Variants in PCCA observed in about 807,000 individuals in gnomAD.
The protein encoded by PCCA is propionyl-CoA carboxylase subunit alpha.
A neutral mutation model predicts 101.3 loss-of-function variants in PCCA; 74 were observed. The ratio of observed to expected loss-of-function variants is 0.73; its 90% confidence interval spans 0.61 to 0.89. The LOEUF is 0.89. Ranked by LOEUF, PCCA falls within the 40% of genes least tolerant of loss-of-function variation. The probability of loss-of-function intolerance (pLI) is 0.00; values close to 1 mark genes in which losing one functional copy is unlikely to be tolerated. For missense variants in PCCA, 891 were observed against 907.0 expected (o/e 0.98, Z 0.23); for synonymous variants, 294 against 313.6 (o/e 0.94, Z 0.66).
chr13:100,186,305 G>A (rs2057261471), intron 6 of PCCA, among the ~76,000 whole-genome samples: 1 of 152,170 alleles, frequency 6.6e-6, no homozygotes, highest in African/African-American at 2.4e-5. Context: ...AATATATTTA[G>A]TTTAATACAC....
chr13:100,106,793 C>T (rs1188539854), intron 2 of PCCA, among the ~76,000 whole-genome samples: 2 of 152,136 alleles, frequency 1.3e-5, no homozygotes, highest in East Asian at 1.9e-4. Context: ...TAGCATGTTT[C>T]GTCATAAATC....
chr13:100,134,494 C>T (rs9300589), intron 4 of PCCA, among the ~76,000 whole-genome samples: 26,638 of 152,114 alleles, frequency 0.18, 3,304 homozygotes, highest in African/African-American at 0.35. Flanking sequence ...TTGACATTTT[C>T]CACTGTGTTG....
chr13:100,194,703 G>A (rs1285518245), intron 6 of PCCA, among the ~76,000 whole-genome samples: 1 of 152,204 alleles, frequency 6.6e-6, no homozygotes, highest in Non-Finnish European at 1.5e-5. Flanking sequence ...ACAGGCGTGA[G>A]CCACTGCGCC....
chr13:100,327,130 C>T (rs557019472), intron 16 of PCCA, among the ~76,000 whole-genome samples: 12 of 152,174 alleles, frequency 7.9e-5, no homozygotes, highest in African/African-American at 2.9e-4. Context: ...TGAGTTTTGA[C>T]ATACGTATAC....
Position 100,426,041 on chromosome 13 carries a change from G to T in PCCA, c.1845+310G>T, listed in dbSNP as rs373894946. ...TTTTTTTTTCCTCTGTGGGTTTTTA[G>T]TTGTAAAATACAACTTACTTTGTTA... On this transcript the variant is annotated intron_variant, in intron 20 of 23. Coordinates refer to ENST00000376285, the MANE Select transcript of PCCA (RefSeq NM_000282.4). Among the ~76,000 whole-genome samples the T allele has an allele frequency of 1.7e-3, 256 of 151,144 alleles. 1 individual carries two copies. Among genetic ancestry groups the T allele is most frequent in the African/African-American group, 5.9e-3 (241 of 41,176 alleles).
At chr13:100,283,703 G>A (rs1453495204) in intron 12 of PCCA, among the ~76,000 whole-genome samples, 3 of 152,318 alleles carry the variant, frequency 2.0e-5, no homozygotes, top group Non-Finnish European at 4.4e-5. Flanking sequence ...AAGGAAAAGC[G>A]AGATCAGAGA....
intron 21 of PCCA, among the ~76,000 whole-genome samples, chr13:100,511,808 C>T (rs1026617984): frequency 2.0e-5 from 3 of 152,184 alleles, no homozygotes; most frequent in African/African-American, 4.8e-5. Context: ...CGCATGGGGT[C>T]TGCAGAATTA....
At chr13:100,118,974 CT>C (rs998880638) in intron 4 of PCCA, among the ~76,000 whole-genome samples, 5 of 151,302 alleles carry the variant, frequency 3.3e-5, no homozygotes, top group East Asian at 1.9e-4. Flanking sequence ...GGTACATTTT[CT>C]TTTTTTTTAT....
chr13:100,307,322 TCTGAAA>T, intron 15 of PCCA, 62 bp downstream of exon 15: 1 of 1,100,668 alleles, frequency 9.1e-7, no homozygotes, highest in Non-Finnish European at 1.4e-6. Context: ...ATTTAAAGAG[TCTGAAA>T]CTGGGCCTTT....
intron 20 of PCCA, among the ~76,000 whole-genome samples, chr13:100,434,719 G>A (rs935092770): frequency 7.2e-5 from 11 of 152,114 alleles, no homozygotes; most frequent in African/African-American, 2.7e-4. Context: ...TCCACGTCTG[G>A]CCACAGGAAA....
chr13:100,504,606 A>G lies in PCCA; in HGVS notation c.1900-10821A>G, dbSNP rs139735726. 8.5e-3 allele frequency among the ~76,000 whole-genome samples: 1,297 copies of G among 152,262 alleles called. 22 individuals are homozygous for G. The highest frequency in any genetic ancestry group is 0.03 in the African/African-American group (1,260 of 41,532). On this transcript the variant is annotated intron_variant, in intron 21 of 23. Coordinates refer to ENST00000376285, the MANE Select transcript of PCCA (RefSeq NM_000282.4). ...TGGTAATGATGGCTATTAAATACTT[A>G]ATGACATTTCTGTGTTCTGAGGCTT...
chr13:100,108,713 G>A (rs1472312181), intron 2 of PCCA, among the ~76,000 whole-genome samples: 3 of 152,164 alleles, frequency 2.0e-5, no homozygotes, highest in Admixed American at 6.5e-5. Context: ...ATATTTACCT[G>A]TAATTGTTGA....
chr13:100,382,764 G>GA (rs1311936806), intron 19 of PCCA, among the ~76,000 whole-genome samples: 1 of 151,870 alleles, frequency 6.6e-6, no homozygotes, highest in Admixed American at 6.6e-5. Flanking sequence ...TTTTGTCAGG[G>GA]AAAAAATAAA....
intron 21 of PCCA, among the ~76,000 whole-genome samples, chr13:100,450,085 TA>T (rs2081110225): frequency 1.3e-5 from 2 of 152,196 alleles, no homozygotes; most frequent in Non-Finnish European, 2.9e-5. Context: ...CTAATTTGTT[TA>T]AAAAGGTACC....
chr13:100,156,271 T>C (rs905114040), intron 5 of PCCA, among the ~76,000 whole-genome samples: 1 of 152,172 alleles, frequency 6.6e-6, no homozygotes, highest in African/African-American at 2.4e-5. Flanking sequence ...TTTCACCATG[T>C]TGGTCAGGCT....
chr13:100,346,837 A>G (rs1004963610), intron 18 of PCCA, among the ~76,000 whole-genome samples: 1 of 152,096 alleles, frequency 6.6e-6, no homozygotes, highest in African/African-American at 2.4e-5. Context: ...ATTATGACTC[A>G]CTAAAGGCTC....
At chr13:100,505,225 G>A (rs1166506506) in intron 21 of PCCA, among the ~76,000 whole-genome samples, 1 of 152,110 alleles carries the variant, frequency 6.6e-6, no homozygotes, top group Non-Finnish European at 1.5e-5. Flanking sequence ...TTTCCCTCTG[G>A]CCAGATTATG....
intron 21 of PCCA, among the ~76,000 whole-genome samples, chr13:100,499,871 T>C (rs181348525): frequency 0.012 from 1,782 of 151,322 alleles, 37 homozygotes; most frequent in African/African-American, 0.041. Context: ...ACAGGTTGCT[T>C]GAGACTTTTT....
At chr13:100,444,013 G>T (rs1427791344) in intron 20 of PCCA, among the ~76,000 whole-genome samples, 1 of 151,938 alleles carries the variant, frequency 6.6e-6, no homozygotes, top group Admixed American at 6.6e-5. Flanking sequence ...AACTTTGTCA[G>T]GTATGAGCTC....
Sources: allele counts gnomAD v4.1 joint callset (sites outside exome capture counted in the v4.1 genomes callset), GRCh38; gene constraint gnomAD v4.1.1; transcripts MANE v1.5; gene names NCBI Gene and HGNC (gene_info 2026-07-23, HGNC 2026-07-21).